Variants in MOSPD2 observed in about 807,000 individuals in gnomAD.
MOSPD2 encodes the protein motile sperm domain-containing protein 2.
A neutral mutation model predicts 41.7 loss-of-function variants in MOSPD2; 5 were observed. The ratio of observed to expected loss-of-function variants is 0.12; its 90% confidence interval spans 0.06 to 0.25. MOSPD2 has a LOEUF of 0.25. Among genes scored for constraint, MOSPD2 ranks in the 10% least tolerant of loss-of-function variants. MOSPD2 has a pLI of 1.00. For synonymous variants in MOSPD2, 115 were observed against 126.9 expected (o/e 0.91, Z 0.63); for missense variants, 282 against 375.2 (o/e 0.75, Z 2.05).
intron 8 of MOSPD2, among the ~76,000 whole-genome samples, 195 bp from the exon 9 acceptor site, chrX:14,911,042 G>T (rs891801639): frequency 1.8e-5 from 2 of 111,419 alleles, no homozygotes; most frequent in African/African-American, 6.5e-5. Context: ...AGGTGATTCT[G>T]TATAGATGGC....
chrX:14,898,592 A>C, intron 5 of MOSPD2, among the ~76,000 whole-genome samples: 1 of 112,075 alleles, frequency 8.9e-6, no homozygotes, highest in Non-Finnish European at 1.9e-5. Context: ...TCCAAAATCA[A>C]AATCAATTTG....
chrX:14,873,729 G>A lies in MOSPD2; in HGVS notation c.50G>A (p.Arg17Gln). Residue 17 changes from arginine (R) to glutamine (Q), a missense_variant, in exon 2 of 15, where the codon CGG becomes CAG. Arg to Gln is a conservative substitution (Grantham distance 43). This residue lies in a region of MOSPD2 where 187 missense variants were observed against 256.6 expected (regional missense o/e 0.73). Transcript: ENST00000380492. ...AAAGCCAAGCTCATCTCTGAGACCCGGAGGAGGTTCGAAGCTGAGTATGTG... is the reference window on the plus strand; with the variant it reads ...AAAGCCAAGCTCATCTCTGAGACCCAGAGGAGGTTCGAAGCTGAGTATGTG... ...QNKAKLISET[R>Q]RRFEAEYVTD... is the part of the protein sequence containing the mutation. 2 of 1,211,114 alleles carry A rather than the reference G, an allele frequency of 1.7e-6. No homozygotes were observed. The highest frequency in any genetic ancestry group is 2.2e-6 in the Non-Finnish European group (2 of 894,743).
chrX:14,874,925 A>G (rs1015729509), intron 2 of MOSPD2, among the ~76,000 whole-genome samples: 1 of 112,155 alleles, frequency 8.9e-6, no homozygotes, highest in African/African-American at 3.2e-5. Context: ...TCCTTCTTCA[A>G]TTGCTTTCTA....
intron 5 of MOSPD2, among the ~76,000 whole-genome samples, chrX:14,899,565 T>TACGCACACACACAC (rs1555909962): frequency 1.2e-5 from 1 of 81,042 alleles, no homozygotes; most frequent in Non-Finnish European, 2.4e-5. Context: ...ATTATATACA[T>TACGCACACACACAC]ACACACACAC....
At chrX:14,886,512 TACACACAC>T (rs752460527) in intron 2 of MOSPD2, among the ~76,000 whole-genome samples, 3 of 97,082 alleles carry the variant, frequency 3.1e-5, no homozygotes, top group African/African-American at 1.1e-4. Context: ...TACACACACA[TACACACAC>T]ACACACACAC....
rs1389701540 is a variant in MOSPD2 at position 14,916,253 on chromosome X, T to G, written c.1243T>G (p.Ser415Ala). Residue 415 changes from serine (S) to alanine (A), a missense_variant, in exon 13 of 15, where the codon TCA becomes GCA. Ser to Ala is a moderately conservative substitution (Grantham distance 99). Coordinates refer to ENST00000380492, the MANE Select transcript of MOSPD2 (RefSeq NM_152581.4). ...GATAATGGCTGCAGAAATGGAACAG[T>G]CATCTGGCACAGGCCCAGCAGAATT... is the stretch of plus-strand genomic sequence containing the variant. ...FLIMAAEMEQSSGTGPAELTQ... is the reference protein window; with the variant it reads ...FLIMAAEMEQASGTGPAELTQ... 2 of 1,211,934 alleles carry G rather than the reference T, an allele frequency of 1.7e-6. No homozygotes were observed. Among genetic ancestry groups the G allele is most frequent in the Admixed American group, 4.3e-5 (2 of 46,057 alleles).
intron 6 of MOSPD2, among the ~76,000 whole-genome samples, chrX:14,901,655 T>C (rs910581398): frequency 1.8e-5 from 2 of 110,632 alleles, no homozygotes; most frequent in Non-Finnish European, 1.9e-5. Flanking sequence ...TACTATCTTC[T>C]GTTCCTTATG....
In MOSPD2 at chrX:14,916,260, G is replaced by T. The variant is rs762599533; in HGVS notation, c.1250G>T (p.Gly417Val). The T allele has an allele frequency of 1.7e-6, 2 of 1,211,823 alleles. No individual in the cohort carries two copies. Among genetic ancestry groups the T allele is most frequent in the Admixed American group, 4.3e-5 (2 of 46,020 alleles). ...GCTGCAGAAATGGAACAGTCATCTG[G>T]CACAGGCCCAGCAGAATTAACTCAG... ...IMAAEMEQSSGTGPAELTQFW... is the reference protein window; with the variant it reads ...IMAAEMEQSSVTGPAELTQFW... The change falls in exon 13 of 15, where the codon GGC (glycine) becomes GTC (valine). Residue 417 changes from glycine to valine, a missense_variant. This residue lies in a region of MOSPD2 where 94 missense variants were observed against 102.1 expected (regional missense o/e 0.92). Coordinates refer to ENST00000380492, the MANE Select transcript of MOSPD2 (RefSeq NM_152581.4).
At chrX:14,906,267 G>A (rs1046805258) in intron 7 of MOSPD2, among the ~76,000 whole-genome samples, 3 of 111,608 alleles carry the variant, frequency 2.7e-5, no homozygotes, top group Non-Finnish European at 3.8e-5. Flanking sequence ...CGAATTGAGG[G>A]TCCAGATATA....
chrX:14,908,948 C>A lies in MOSPD2; in HGVS notation c.666C>A (p.Val222=), dbSNP rs1209411806. Residue 222 remains valine, a synonymous_variant, in exon 8 of 15, where the codon GTC becomes GTA. Transcript: ENST00000380492. ...FTSKNEVQDY[V]SVEYLPPHMG... is the part of the protein sequence containing the mutation. ...GCAAAAATGAAGTCCAGGACTATGT[C>A]AGTGTAGAATACCTGCCTCCCCACA... is the stretch of plus-strand genomic sequence containing the variant. 2.5e-6 allele frequency: 3 copies of A among 1,181,522 alleles called. No homozygotes were observed. The highest frequency in any genetic ancestry group is 3.4e-6 in the Non-Finnish European group (3 of 875,656).
At chrX:14,878,477 A>G (rs748829560) in intron 2 of MOSPD2, among the ~76,000 whole-genome samples, 2 of 109,283 alleles carry the variant, frequency 1.8e-5, no homozygotes. Flanking sequence ...TAGTTTAAAC[A>G]TTTTTTTATT....
chrX:14,914,113 T>G (rs1211961731), intron 10 of MOSPD2, among the ~76,000 whole-genome samples: 1 of 112,089 alleles, frequency 8.9e-6, no homozygotes, highest in Non-Finnish European at 1.9e-5. Context: ...GAAATATGCC[T>G]CATTCTAATT....
intron 5 of MOSPD2, among the ~76,000 whole-genome samples, chrX:14,899,790 T>G (rs2092569908): frequency 9.1e-6 from 1 of 110,425 alleles, no homozygotes; most frequent in African/African-American, 3.3e-5. Context: ...GTTGTATCTT[T>G]CATCCCACAG....
chrX:14,895,267 C>A (rs934668104), intron 3 of MOSPD2, 41 bp from the exon 4 acceptor site: 3 of 752,478 alleles, frequency 4.0e-6, no homozygotes, highest in African/African-American at 4.2e-5. Flanking sequence ...ATTTTTAAAC[C>A]CCTAAATTAC....
intron 14 of MOSPD2, 77 bp from the exon 15 acceptor site, chrX:14,919,595 A>G: frequency 1.3e-6 from 1 of 787,355 alleles, no homozygotes; most frequent in South Asian, 2.6e-5. Flanking sequence ...TTGGATTTCT[A>G]GTATTCCTGT....
In MOSPD2 at chrX:14,921,479, AT is replaced by A; in HGVS notation, c.*1675del. 1 of 854,988 alleles carries A rather than the reference AT, an allele frequency of 1.2e-6. No homozygotes were observed. The highest frequency in any genetic ancestry group is 1.5e-6 in the Non-Finnish European group (1 of 680,850). The allele number at this position is 854,988 out of a possible 1,213,427, so 70.5% of individuals were successfully genotyped here. A position where few individuals can be genotyped will look rare whatever the true frequency, so the allele number is the denominator to read the frequency against. ...ACAGTGGCTTCCCCTTACATGGTAG[AT>A]TTTTGGCCTTAATATAATCTAATCC... On this transcript the variant is annotated 3_prime_UTR_variant, in exon 15 of 15. Transcript: ENST00000380492.
intron 7 of MOSPD2, 62 bp downstream of exon 7, chrX:14,903,066 C>A: frequency 2.6e-6 from 2 of 765,133 alleles, no homozygotes; most frequent in Non-Finnish European, 2.0e-6. Flanking sequence ...GCCGATTTAG[C>A]CATATTTCTA....
Position 14,908,967 on chromosome X carries a change from C to T in MOSPD2, c.685C>T (p.Pro229Ser). Residue 229 changes from proline to serine, a missense_variant, in exon 8 of 15, where the codon CCC (proline) becomes TCC (serine). By Grantham distance (74) the Pro-to-Ser change is moderately conservative (BLOSUM62 -1). This residue lies in a region of MOSPD2 where 187 missense variants were observed against 256.6 expected (regional missense o/e 0.73). Coordinates refer to ENST00000380492, the MANE Select transcript of MOSPD2 (RefSeq NM_152581.4). ...CTATGTCAGTGTAGAATACCTGCCT[C>T]CCCACATGGGTGGAACTGTAAGTAT... ...QDYVSVEYLP[P>S]HMGGTDPFKY... is the part of the protein sequence containing the mutation. 8.6e-7 allele frequency: 1 copy of T among 1,159,019 alleles called. No homozygotes were observed. Among genetic ancestry groups the T allele is most frequent in the Non-Finnish European group, 1.2e-6 (1 of 861,149 alleles).
intron 13 of MOSPD2, among the ~76,000 whole-genome samples, chrX:14,916,637 A>G (rs1342891144): frequency 1.8e-5 from 2 of 111,428 alleles, no homozygotes; most frequent in African/African-American, 6.6e-5. Flanking sequence ...GTAATAGTGA[A>G]AAACTGGAAA....
Sources: allele counts gnomAD v4.1 joint callset (sites outside exome capture counted in the v4.1 genomes callset), GRCh38; gene constraint gnomAD v4.1.1; regional missense constraint gnomAD v4.1.1; transcripts MANE v1.5; gene names NCBI Gene and HGNC (gene_info 2026-07-23, HGNC 2026-07-21).